BDP1: variants seen among roughly 807,000 people sequenced by gnomAD.
BDP1 encodes the protein transcription factor TFIIIB component B'' homolog.
In BDP1, 169 loss-of-function variants were observed where a neutral mutation model predicts 266.6. That is an observed-to-expected ratio of 0.63 (90% CI 0.56 to 0.72). The LOEUF (loss-of-function observed/expected upper bound fraction) is 0.72, where lower values mean the gene tolerates loss of function less well. BDP1 is among the 30% of genes least tolerant of loss of function. The pLI is 0.00. For synonymous variants in BDP1, 1,090 were observed against 1,022.4 expected, an observed-to-expected ratio of 1.07 and a Z score of -1.26; for missense variants, 3,015 against 3,053.8, an observed-to-expected ratio of 0.99 and a Z score of 0.30.
At chr5:71,504,155 C>A (rs1289290778) in intron 15 of BDP1, among the ~76,000 whole-genome samples, 3 of 151,638 alleles carry the variant, frequency 2.0e-5, no homozygotes, top group Non-Finnish European at 4.4e-5. Flanking sequence ...CGCCTGTAGT[C>A]CTAGCTACTC....
At chr5:71,556,501 T>G (rs953749642) in intron 35 of BDP1, among the ~76,000 whole-genome samples, 3 of 152,218 alleles carry the variant, frequency 2.0e-5, no homozygotes, top group Non-Finnish European at 4.4e-5. Flanking sequence ...GTACCTTTTC[T>G]ATAAATACAG....
intron 7 of BDP1, among the ~76,000 whole-genome samples, chr5:71,476,547 T>C (rs200974162): frequency 3.3e-5 from 2 of 61,114 alleles, no homozygotes; most frequent in East Asian, 7.6e-4. Context: ...GACTTTTTTT[T>C]CCCTTTTTTT....
At chr5:71,489,106 G>A (rs1763436784) in intron 9 of BDP1, among the ~76,000 whole-genome samples, 2 of 152,082 alleles carry the variant, frequency 1.3e-5, no homozygotes, top group Admixed American at 1.3e-4. Flanking sequence ...ATATGTAACT[G>A]TTTTTGTTTA....
At chr5:71,569,407 G>A (rs558913041), downstream of BDP1, among the ~76,000 whole-genome samples, 3 of 150,890 alleles carry the variant, frequency 2.0e-5, no homozygotes, top group Non-Finnish European at 4.4e-5. Context: ...AGGTATGATC[G>A]TGCCAGCCTG....
chr5:71,552,207 C>G (rs1231690695), intron 34 of BDP1, among the ~76,000 whole-genome samples: 1 of 151,268 alleles, frequency 6.6e-6, no homozygotes, highest in African/African-American at 2.4e-5. Flanking sequence ...AGAGGCGCTC[C>G]TCACATCCCA....
intron 7 of BDP1, among the ~76,000 whole-genome samples, chr5:71,471,448 G>A (rs1453740435): frequency 6.6e-6 from 1 of 152,084 alleles, no homozygotes; most frequent in Non-Finnish European, 1.5e-5. Context: ...CCGGTTGAGG[G>A]TAGCTTTTTC....
rs374160566 is a variant in BDP1, at chr5:71,548,685, A to G, written c.6748A>G (p.Thr2250Ala). 36 of 1,603,728 alleles carry G rather than the reference A, an allele frequency of 2.2e-5. No individual in the cohort carries two copies. The African/African-American group carries it at 4.8e-4, about 21-fold the overall frequency. Residue 2250 changes from threonine to alanine, a missense_variant, in exon 33 of 39, where the codon ACA becomes GCA. Thr to Ala is a moderately conservative substitution (Grantham distance 58). Around this residue, in one of 3 missense-constraint regions of BDP1, gnomAD observed 629 missense variants for 632.5 expected, o/e 0.99. Coordinates refer to ENST00000358731, the MANE Select transcript of BDP1 (RefSeq NM_018429.3). Reference sequence around the variant, plus strand: ...TCATTTTAATTTTTTATGGCAGTATACACCAACAAGTATTCCAGAAGTCCA... The same window carrying G: ...TCATTTTAATTTTTTATGGCAGTATGCACCAACAAGTATTCCAGAAGTCCA... ...SVLTLPVPEY[T>A]PTSIPEVQQE...
At chr5:71,496,258 G>C (rs868032922) in intron 12 of BDP1, among the ~76,000 whole-genome samples, 2 of 118,016 alleles carry the variant, frequency 1.7e-5, no homozygotes, top group Non-Finnish European at 3.7e-5. Context: ...AAAAAAAAAA[G>C]AAAGCTATTC....
At position 71,510,029 on chromosome 5, in the gene BDP1, A is replaced by C. The variant is rs549128648; in HGVS notation, c.2937A>C (p.Glu979Asp). Residue 979 changes from glutamate (E) to aspartate (D), a missense_variant, in exon 17 of 39, where the codon GAA (glutamate) becomes GAC (aspartate). By Grantham distance (45) the Glu-to-Asp change is conservative (BLOSUM62 2). Transcript: ENST00000358731. ...KTPEVTDATEEIDKNLEETGR... is the reference protein window; with the variant it reads ...KTPEVTDATEDIDKNLEETGR... ...CAGAGGTGACTGATGCCACTGAGGA[A>C]ATAGACAAAAATTTGGAAGAAACTG... is the stretch of plus-strand genomic sequence containing the variant. 3 of 1,614,002 alleles carry C rather than the reference A, an allele frequency of 1.9e-6. No individual in the cohort carries two copies. In the South Asian group the frequency reaches 3.3e-5, roughly 18 times the overall value.
At chr5:71,465,654 G>A (rs1435478747) in intron 4 of BDP1, among the ~76,000 whole-genome samples, 1 of 152,068 alleles carries the variant, frequency 6.6e-6, no homozygotes, top group Admixed American at 6.6e-5. Context: ...AGGCTGAGGC[G>A]GGTGGATCAC....
Position 71,522,900 on chromosome 5 carries a change from A to G in BDP1, c.5338A>G (p.Asn1780Asp), listed in dbSNP as rs1765581564. 2 of 1,608,052 alleles carry G rather than the reference A, an allele frequency of 1.2e-6. No homozygotes were observed. The highest frequency in any genetic ancestry group is 2.7e-5 in the African/African-American group (2 of 74,710). ...RRVGEETVGD[N>D]SPSSVVEEQY... ...GGTTGGAGAGGAAACTGTAGGAGAT[A>G]ATTCACCATCTTCAGTTGTTGAAGA... Residue 1780 changes from asparagine (N) to aspartate (D), a missense_variant, in exon 24 of 39, where the codon AAT (asparagine) becomes GAT (aspartate). Transcript: ENST00000358731.
At chr5:71,569,263 A>G (rs972053945), downstream of BDP1, among the ~76,000 whole-genome samples, 15 of 152,164 alleles carry the variant, frequency 9.9e-5, no homozygotes, top group African/African-American at 3.6e-4. Flanking sequence ...GAGGCGAGAC[A>G]TAGCGAGACC....
chr5:71,455,763 TG>T lies in BDP1; in HGVS notation c.-113del. 1.2e-6 allele frequency: 1 copy of T among 853,278 alleles called. No homozygotes were observed. The highest frequency in any genetic ancestry group is 1.8e-6 in the Non-Finnish European group (1 of 554,822). The allele number at this position is 853,278 out of a possible 1,614,324, so 52.9% of individuals were successfully genotyped here. On this transcript the variant is annotated 5_prime_UTR_variant, in exon 1 of 39. Coordinates refer to ENST00000358731, the MANE Select transcript of BDP1 (RefSeq NM_018429.3). ...AAACTACGGTAGCTGCCCCCTGAGCTGGTGGTGTGGCTTTGTGGGGAGGGCG... is the reference window on the plus strand; with the variant it reads ...AAACTACGGTAGCTGCCCCCTGAGCTGTGGTGTGGCTTTGTGGGGAGGGCG...
Position 71,489,426 on chromosome 5 carries a change from A to G in BDP1, c.1236A>G (p.Gly412=), listed in dbSNP as rs1763452274. 1 of 1,606,416 alleles carries G rather than the reference A, an allele frequency of 6.2e-7. No individual in the cohort carries two copies. The highest frequency in any genetic ancestry group is 1.7e-5 in the Admixed American group (1 of 58,020). The change falls in exon 10 of 39, where the codon GGA becomes GGG. Residue 412 remains glycine, a synonymous_variant. Transcript: ENST00000358731. ...NVKVKKVACE[G]VNNDPDESMS... ...CAGTGAAAAAAGTTGCCTGTGAAGG[A>G]GTGAATAATGATCCAGATGAGTCTA...
chr5:71,467,893 G>T (rs1202161054), intron 6 of BDP1, among the ~76,000 whole-genome samples: 8 of 152,154 alleles, frequency 5.3e-5, no homozygotes, highest in Non-Finnish European at 1.2e-4. Context: ...AGGCTGGAGT[G>T]CAGTGAAACT....
rs796998441 is a variant in BDP1, at chr5:71,556,739, T to C, written c.7201-147T>C. ...GGAACATTTTAAAATAGTAGCAATATTTTTGCCATAAATGTTTAGTAGAAT... is the reference window on the plus strand; with the variant it reads ...GGAACATTTTAAAATAGTAGCAATACTTTTGCCATAAATGTTTAGTAGAAT... On this transcript the variant is annotated intron_variant, in intron 35 of 38. Transcript: ENST00000358731. 1.8e-4 allele frequency: 83 copies of C among 464,166 alleles called. 1 individual carries two copies. The highest frequency in any genetic ancestry group is 1.6e-3 in the African/African-American group (80 of 48,636). 28.8% of individuals were successfully genotyped at this position (464,166 alleles called of 1,614,324 possible).
At chr5:71,490,950 A>T (rs1348745760) in intron 10 of BDP1, 34 bp from the exon 11 acceptor site, 5 of 1,563,092 alleles carry the variant, frequency 3.2e-6, no homozygotes, top group Admixed American at 1.9e-5. Context: ...TTTTGCTGTC[A>T]TTTTTTAGAA....
At chr5:71,493,470 C>CA (rs1763710740) in intron 11 of BDP1, among the ~76,000 whole-genome samples, 2 of 152,218 alleles carry the variant, frequency 1.3e-5, no homozygotes, top group South Asian at 4.2e-4. Flanking sequence ...AGGCTGGTCT[C>CA]AAACTCCTGG....
rs755705355 is a variant in BDP1 at position 71,461,943 on chromosome 5, T to TCTG, written c.599+20_599+22dup. 1 of 1,214,990 alleles carries TCTG rather than the reference T, an allele frequency of 8.2e-7. No homozygotes were observed. Among genetic ancestry groups the TCTG allele is most frequent in the Non-Finnish European group, 1.2e-6 (1 of 834,612 alleles). The allele number at this position is 1,214,990 out of a possible 1,614,324, so 75.3% of individuals were successfully genotyped here. On this transcript the variant is annotated intron_variant, in intron 3 of 38. Coordinates refer to ENST00000358731, the MANE Select transcript of BDP1 (RefSeq NM_018429.3). ...TCCAATGACGTAAGTAAAATTTATT[T>TCTG]CTGCTTTACTATCTCTTTTTTTTTT...
Sources: allele counts gnomAD v4.1 joint callset (sites outside exome capture counted in the v4.1 genomes callset), GRCh38; gene constraint gnomAD v4.1.1; regional missense constraint gnomAD v4.1.1; transcripts MANE v1.5; gene names NCBI Gene and HGNC (gene_info 2026-07-23, HGNC 2026-07-21).